Variants in LRRC10B observed in about 807,000 individuals in gnomAD.
LRRC10B encodes the protein leucine rich repeat containing 10B, also known as leucine-rich repeat-containing protein 10B.
For synonymous variants in LRRC10B, 204 were observed against 221.5 expected, an observed-to-expected ratio of 0.92 and a Z score of 0.70; for missense variants, 389 against 436.5, an observed-to-expected ratio of 0.89 and a Z score of 0.97.
chr11:61,509,553 C>A lies in LRRC10B; in HGVS notation c.555C>A (p.His185Gln), dbSNP rs1420070748. Residue 185 changes from histidine (H) to glutamine (Q), a missense_variant, in exon 1 of 1, where the codon CAC becomes CAA. Coordinates refer to ENST00000378075, the MANE Select transcript of LRRC10B (RefSeq NM_001145077.2). ...CGCTGCTGCGCATGGGCCGCCTGCA[C>A]ATCCTCGACCTCGACCGCAACCGCC... is the stretch of plus-strand genomic sequence containing the variant. ...PPALLRMGRL[H>Q]ILDLDRNRLG... 1 of 1,518,496 alleles carries A rather than the reference C, an allele frequency of 6.6e-7. No homozygotes were observed. 94.1% of individuals were successfully genotyped at this position (1,518,496 alleles called of 1,614,324 possible).
At position 61,509,598 on chromosome 11, in the gene LRRC10B, G is replaced by A; in HGVS notation, c.600G>A (p.Leu200=). The A allele has an allele frequency of 1.3e-6, 2 of 1,521,878 alleles. No individual in the cohort carries two copies. Among genetic ancestry groups the A allele is most frequent in the Non-Finnish European group, 1.8e-6 (2 of 1,141,046 alleles). The allele number at this position is 1,521,878 out of a possible 1,614,324, so 94.3% of individuals were successfully genotyped here. ...DRNRLGGFPD[L]HPLRALRVFS... is the part of the protein sequence containing the mutation. ...ACCGCCTGGGCGGCTTCCCCGACCT[G>A]CACCCGCTGCGCGCGCTGCGCGTCT... The change falls in exon 1 of 1, where the codon CTG becomes CTA. Residue 200 remains leucine, a synonymous_variant. Coordinates refer to ENST00000378075, the MANE Select transcript of LRRC10B (RefSeq NM_001145077.2).
Position 61,509,879 on chromosome 11 carries a change from C to T in LRRC10B, c.*2C>T. On this transcript the variant is annotated 3_prime_UTR_variant, in exon 1 of 1. Coordinates refer to ENST00000378075, the MANE Select transcript of LRRC10B (RefSeq NM_001145077.2). The stretch of plus-strand genomic sequence containing the variant: ...GCCGCTCCAGGACTGGGCACCTGAG[C>T]CTATGTTCTGGCTGATGGGCTTCAG... 6.7e-7 allele frequency: 1 copy of T among 1,496,072 alleles called. No homozygotes were observed. The highest frequency in any genetic ancestry group is 8.9e-7 in the Non-Finnish European group (1 of 1,128,164). The allele number at this position is 1,496,072 out of a possible 1,614,324, so 92.7% of individuals were successfully genotyped here. A position where few individuals can be genotyped will look rare whatever the true frequency, so the allele number is the denominator to read the frequency against.
chr11:61,510,009 G>C lies in LRRC10B; in HGVS notation c.*132G>C, dbSNP rs1590795975. The C allele has an allele frequency of 1.6e-5, 15 of 914,922 alleles. No individual in the cohort carries two copies. The South Asian group carries it at 2.8e-4, about 17-fold the overall frequency. 56.7% of individuals were successfully genotyped at this position (914,922 alleles called of 1,614,324 possible). A position where few individuals can be genotyped will look rare whatever the true frequency, so the allele number is the denominator to read the frequency against. Reference sequence around the variant, plus strand: ...AACGGCTACTTTTGGCGAGTTGCCGGGCACAGGCAGGGCTGGGGCTCATCT... The same window carrying C: ...AACGGCTACTTTTGGCGAGTTGCCGCGCACAGGCAGGGCTGGGGCTCATCT... On this transcript the variant is annotated 3_prime_UTR_variant, in exon 1 of 1. Coordinates refer to ENST00000378075, the MANE Select transcript of LRRC10B (RefSeq NM_001145077.2).
In LRRC10B at chr11:61,510,024, G is replaced by A. The variant is rs2062078121; in HGVS notation, c.*147G>A. On this transcript the variant is annotated 3_prime_UTR_variant, in exon 1 of 1. Coordinates refer to ENST00000378075, the MANE Select transcript of LRRC10B (RefSeq NM_001145077.2). ...CGAGTTGCCGGGCACAGGCAGGGCTGGGGCTCATCTTCAGACACTCCTAGG... is the reference window on the plus strand; with the variant it reads ...CGAGTTGCCGGGCACAGGCAGGGCTAGGGCTCATCTTCAGACACTCCTAGG... The A allele has an allele frequency of 6.3e-6, 5 of 790,752 alleles. No homozygotes were observed. In the Admixed American group the frequency reaches 1.1e-4, roughly 18 times the overall value. 49.0% of individuals were successfully genotyped at this position (790,752 alleles called of 1,614,324 possible). A position where few individuals can be genotyped will look rare whatever the true frequency, so the allele number is the denominator to read the frequency against.
Position 61,509,353 on chromosome 11 carries a change from T to G in LRRC10B, c.355T>G (p.Trp119Gly). The G allele has an allele frequency of 6.7e-7, 1 of 1,497,382 alleles. No homozygotes were observed. The highest frequency in any genetic ancestry group is 8.8e-7 in the Non-Finnish European group (1 of 1,131,120). 92.8% of individuals were successfully genotyped at this position (1,497,382 alleles called of 1,614,324 possible). Residue 119 changes from tryptophan (W) to glycine (G), a missense_variant, in exon 1 of 1, where the codon TGG (tryptophan) becomes GGG (glycine). By Grantham distance (184) the Trp-to-Gly change is radical (BLOSUM62 -2). Coordinates refer to ENST00000378075, the MANE Select transcript of LRRC10B (RefSeq NM_001145077.2). ...GCAGTTGCAGAGCCTGCGCTGCCTC[T>G]GGATCGAGGGCAACTTCTTGCGGCG... ...FAQLQSLRCL[W>G]IEGNFLRRFP...
Position 61,509,399 on chromosome 11 carries a change from G to T in LRRC10B, c.401G>T (p.Arg134Leu), listed in dbSNP as rs1385576415. The change falls in exon 1 of 1, where the codon CGC becomes CTC. Residue 134 changes from arginine to leucine, a missense_variant. Physicochemically the swap from Arg to Leu is moderately radical, Grantham distance 102. Transcript: ENST00000378075. The part of the protein sequence containing the change: ...FLRRFPRPLL[R>L]LVALQSLQMG... ...CGGCGCTTCCCGCGGCCGCTGCTGCGCCTGGTGGCGCTGCAGTCGCTCCAG... is the reference window on the plus strand; with the variant it reads ...CGGCGCTTCCCGCGGCCGCTGCTGCTCCTGGTGGCGCTGCAGTCGCTCCAG... 1 of 1,492,094 alleles carries T rather than the reference G, an allele frequency of 6.7e-7. No individual in the cohort carries two copies. The highest frequency in any genetic ancestry group is 2.3e-5 in the Admixed American group (1 of 43,532). 92.4% of individuals were successfully genotyped at this position (1,492,094 alleles called of 1,614,324 possible). A position where few individuals can be genotyped will look rare whatever the true frequency, so the allele number is the denominator to read the frequency against.
In LRRC10B at chr11:61,509,160, G is replaced by A. The variant is rs979302857; in HGVS notation, c.162G>A (p.Thr54=). The A allele has an allele frequency of 2.0e-6, 3 of 1,529,920 alleles. No homozygotes were observed. The highest frequency in any genetic ancestry group is 4.0e-5 in the Admixed American group (2 of 50,540). 94.8% of individuals were successfully genotyped at this position (1,529,920 alleles called of 1,614,324 possible). ...TGCAGAAGCTGTATGTGAGCGGCAC[G>A]GGGCTGCGCGAGCTGCCGGAGGAGA... is the stretch of plus-strand genomic sequence containing the variant. ...SRLQKLYVSG[T]GLRELPEEIE... is the part of the protein sequence containing the mutation. The change falls in exon 1 of 1, where the codon ACG becomes ACA. Residue 54 remains threonine, a synonymous_variant. Coordinates refer to ENST00000378075, the MANE Select transcript of LRRC10B (RefSeq NM_001145077.2).
chr11:61,509,360 AG>A lies in LRRC10B; in HGVS notation c.365del (p.Gly122AlafsTer37). ...CAGAGCCTGCGCTGCCTCTGGATCGAGGGCAACTTCTTGCGGCGCTTCCCGC... is the reference window on the plus strand; with the variant it reads ...CAGAGCCTGCGCTGCCTCTGGATCGAGGCAACTTCTTGCGGCGCTTCCCGC... ...QLQSLRCLWI[E>X]GNFLRRFPRP... On this transcript the variant is annotated frameshift_variant, in exon 1 of 1. Coordinates refer to ENST00000378075, the MANE Select transcript of LRRC10B (RefSeq NM_001145077.2). LOFTEE classifies it low-confidence loss of function (END_TRUNC). 1 of 1,495,652 alleles carries A rather than the reference AG, an allele frequency of 6.7e-7. No homozygotes were observed. Among genetic ancestry groups the A allele is most frequent in the Non-Finnish European group, 8.8e-7 (1 of 1,130,632 alleles). 92.6% of individuals were successfully genotyped at this position (1,495,652 alleles called of 1,614,324 possible). A position where few individuals can be genotyped will look rare whatever the true frequency, so the allele number is the denominator to read the frequency against.
In LRRC10B at chr11:61,509,482, C is replaced by A; in HGVS notation, c.484C>A (p.Arg162Ser). ...PAELPRMTGL[R>S]GLWLYGNRFE... The stretch of plus-strand genomic sequence containing the variant: ...CGAGCTGCCGCGCATGACGGGCTTG[C>A]GCGGCCTCTGGCTCTACGGCAACCG... The change falls in exon 1 of 1, where the codon CGC (arginine) becomes AGC (serine). Residue 162 changes from arginine (R) to serine (S), a missense_variant. Transcript: ENST00000378075. The A allele has an allele frequency of 1.3e-6, 2 of 1,502,772 alleles. No individual in the cohort carries two copies. The highest frequency in any genetic ancestry group is 8.8e-7 in the Non-Finnish European group (1 of 1,134,540). 93.1% of individuals were successfully genotyped at this position (1,502,772 alleles called of 1,614,324 possible). A position where few individuals can be genotyped will look rare whatever the true frequency, so the allele number is the denominator to read the frequency against.
Position 61,509,958 on chromosome 11 carries a change from T to C in LRRC10B, c.*81T>C. ...CTTTGGCTGGTTAGGCCTGCGGGAC[T>C]GGTGGGTCCCTACTTAGGTCAATGG... On this transcript the variant is annotated 3_prime_UTR_variant, in exon 1 of 1. Transcript: ENST00000378075. 1 of 1,366,302 alleles carries C rather than the reference T, an allele frequency of 7.3e-7. No homozygotes were observed. Among genetic ancestry groups the C allele is most frequent in the Non-Finnish European group, 9.6e-7 (1 of 1,041,398 alleles). The allele number at this position is 1,366,302 out of a possible 1,614,324, so 84.6% of individuals were successfully genotyped here. A position where few individuals can be genotyped will look rare whatever the true frequency, so the allele number is the denominator to read the frequency against.
Position 61,510,147 on chromosome 11 carries a change from G to A in LRRC10B, c.*270G>A, listed in dbSNP as rs1413459763. On this transcript the variant is annotated 3_prime_UTR_variant, in exon 1 of 1. Coordinates refer to ENST00000378075, the MANE Select transcript of LRRC10B (RefSeq NM_001145077.2). The stretch of plus-strand genomic sequence containing the variant: ...GTCCCCGATGGAGCCACTGATAACA[G>A]AGGCACCAGCTTCCTCCTGGAACCA... The A allele has an allele frequency of 9.8e-6, 4 of 407,314 alleles. No homozygotes were observed. The highest frequency in any genetic ancestry group is 1.8e-5 in the Non-Finnish European group (4 of 223,866). 25.2% of individuals were successfully genotyped at this position (407,314 alleles called of 1,614,324 possible).
chr11:61,508,963 T>A lies in LRRC10B; in HGVS notation c.-36T>A. ...GCCGGGGCGGGGCGATGCCTGGCGG[T>A]GGCAGTGGCGGCGGCCCCGGCCGGG... On this transcript the variant is annotated 5_prime_UTR_variant, in exon 1 of 1. Coordinates refer to ENST00000378075, the MANE Select transcript of LRRC10B (RefSeq NM_001145077.2). 1 of 1,279,646 alleles carries A rather than the reference T, an allele frequency of 7.8e-7. No individual in the cohort carries two copies. The highest frequency in any genetic ancestry group is 9.9e-7 in the Non-Finnish European group (1 of 1,014,862). The allele number at this position is 1,279,646 out of a possible 1,614,324, so 79.3% of individuals were successfully genotyped here.
chr11:61,509,697 C>T lies in LRRC10B; in HGVS notation c.699C>T (p.Ala233=), dbSNP rs1376464653. Residue 233 remains alanine (A), a synonymous_variant, in exon 1 of 1, where the codon GCC becomes GCT. Transcript: ENST00000378075. ...ADTVFLVGEG[A]VERMAERDEP... ...CCGTGTTCCTCGTGGGCGAGGGCGC[C>T]GTCGAGCGCATGGCGGAGCGCGACG... 1 of 1,514,672 alleles carries T rather than the reference C, an allele frequency of 6.6e-7. No homozygotes were observed. Among genetic ancestry groups the T allele is most frequent in the East Asian group, 2.6e-5 (1 of 37,908 alleles). The allele number at this position is 1,514,672 out of a possible 1,614,324, so 93.8% of individuals were successfully genotyped here.
At position 61,509,634 on chromosome 11, in the gene LRRC10B, C is replaced by T. The variant is rs781578147; in HGVS notation, c.636C>T (p.Asp212=). Residue 212 remains aspartate, a synonymous_variant, in exon 1 of 1, where the codon GAC becomes GAT. Coordinates refer to ENST00000378075, the MANE Select transcript of LRRC10B (RefSeq NM_001145077.2). The part of the protein sequence containing the change: ...PLRALRVFSY[D]HNPVTGPPRV... The stretch of plus-strand genomic sequence containing the variant: ...GCGCGCTGCGCGTCTTCTCCTACGA[C>T]CACAACCCCGTCACCGGGCCCCCGC... 83 of 1,522,576 alleles carry T rather than the reference C, an allele frequency of 5.5e-5. 2 individuals carry two copies. The South Asian group carries it at 9.6e-4, about 18-fold the overall frequency. 94.3% of individuals were successfully genotyped at this position (1,522,576 alleles called of 1,614,324 possible). A position where few individuals can be genotyped will look rare whatever the true frequency, so the allele number is the denominator to read the frequency against.
In LRRC10B at chr11:61,509,077, G is replaced by C; in HGVS notation, c.79G>C (p.Glu27Gln). 1 of 1,511,856 alleles carries C rather than the reference G, an allele frequency of 6.6e-7. No individual in the cohort carries two copies. The highest frequency in any genetic ancestry group is 8.8e-7 in the Non-Finnish European group (1 of 1,138,652). The allele number at this position is 1,511,856 out of a possible 1,614,324, so 93.7% of individuals were successfully genotyped here. A position where few individuals can be genotyped will look rare whatever the true frequency, so the allele number is the denominator to read the frequency against. The change falls in exon 1 of 1, where the codon GAG becomes CAG. Residue 27 changes from glutamate to glutamine, a missense_variant. Physicochemically the swap from Glu to Gln is conservative, Grantham distance 29. Transcript: ENST00000378075. ...GCTGCGCAGCGGCGACCAGCAGCTG[G>C]AGCTGAGCGGGCGGCGGTTGCGGCG... ...EQLRSGDQQLELSGRRLRRLP... is the reference protein window; with the variant it reads ...EQLRSGDQQLQLSGRRLRRLP...
rs2134965021 is a variant in LRRC10B at position 61,510,195 on chromosome 11, T to G, written c.*318T>G. ...CCAGGGTCTCTGAGGGCCACAGAAT[T>G]GTCACGTCTCCCTGAGTCTGGATGC... On this transcript the variant is annotated 3_prime_UTR_variant, in exon 1 of 1. Transcript: ENST00000378075. 3.0e-6 allele frequency: 1 copy of G among 329,426 alleles called. No individual in the cohort carries two copies. The highest frequency in any genetic ancestry group is 5.5e-5 in the East Asian group (1 of 18,038). 20.4% of individuals were successfully genotyped at this position (329,426 alleles called of 1,614,324 possible). A position where few individuals can be genotyped will look rare whatever the true frequency, so the allele number is the denominator to read the frequency against.
In LRRC10B at chr11:61,509,238, G is replaced by A. The variant is rs1303753379; in HGVS notation, c.240G>A (p.Glu80=). The A allele has an allele frequency of 6.5e-7, 1 of 1,530,402 alleles. No homozygotes were observed. The highest frequency in any genetic ancestry group is 8.7e-7 in the Non-Finnish European group (1 of 1,144,286). 94.8% of individuals were successfully genotyped at this position (1,530,402 alleles called of 1,614,324 possible). Residue 80 remains glutamate, a synonymous_variant, in exon 1 of 1, where the codon GAG becomes GAA. Coordinates refer to ENST00000378075, the MANE Select transcript of LRRC10B (RefSeq NM_001145077.2). ...RILALDFNKL[E]RLPDGLCRLP... ...TGGCGCTGGACTTCAACAAGCTCGAGCGACTGCCTGACGGCCTGTGCCGCC... is the reference window on the plus strand; with the variant it reads ...TGGCGCTGGACTTCAACAAGCTCGAACGACTGCCTGACGGCCTGTGCCGCC...
rs1429726436 is a variant in LRRC10B, at chr11:61,509,734, C to G, written c.736C>G (p.Arg246Gly). ...GGCGGAGCGCGACGAGCCCACGCCC[C>G]GGCCTCCGCCCCGGCGCCCAGCGCG... is the stretch of plus-strand genomic sequence containing the variant. ...RMAERDEPTP[R>G]PPPRRPARAF... Residue 246 changes from arginine (R) to glycine (G), a missense_variant, in exon 1 of 1, where the codon CGG (arginine) becomes GGG (glycine). Arg to Gly is a moderately radical substitution (Grantham distance 125). Transcript: ENST00000378075. 6.6e-7 allele frequency: 1 copy of G among 1,520,494 alleles called. No individual in the cohort carries two copies. The highest frequency in any genetic ancestry group is 1.8e-4 in the Middle Eastern group (1 of 5,520). The allele number at this position is 1,520,494 out of a possible 1,614,324, so 94.2% of individuals were successfully genotyped here. A position where few individuals can be genotyped will look rare whatever the true frequency, so the allele number is the denominator to read the frequency against.
chr11:61,508,935 G>T lies in LRRC10B; in HGVS notation c.-64G>T. On this transcript the variant is annotated 5_prime_UTR_variant, in exon 1 of 1. Transcript: ENST00000378075. ...CCGGCACCGTCGGGGCGGCTGGGGG[G>T]CGGCCGGGGCGGGGCGATGCCTGGC... The T allele has an allele frequency of 8.5e-7, 1 of 1,179,198 alleles. No individual in the cohort carries two copies. The highest frequency in any genetic ancestry group is 1.0e-6 in the Non-Finnish European group (1 of 952,476). 73.0% of individuals were successfully genotyped at this position (1,179,198 alleles called of 1,614,324 possible).
Sources: gnomAD v4.1 joint callset for allele counts on GRCh38, gnomAD v4.1.1 for gene constraint, MANE v1.5 for transcripts, NCBI Gene and HGNC (gene_info 2026-07-23, HGNC 2026-07-21) for gene names.